NUP133: variants seen among roughly 807,000 people sequenced by gnomAD.
NUP133 encodes the protein nucleoporin 133.
A neutral mutation model predicts 146.2 loss-of-function variants in NUP133; 66 were observed. That is an observed-to-expected ratio of 0.45 (90% CI 0.37 to 0.55). NUP133 has a LOEUF of 0.55. NUP133 is among the 20% of genes least tolerant of loss of function. The probability of loss-of-function intolerance (pLI) is 0.00; values close to 1 mark genes in which losing one functional copy is unlikely to be tolerated. For synonymous variants in NUP133, 521 were observed against 498.8 expected, an observed-to-expected ratio of 1.04 and a Z score of -0.59; for missense variants, 1,277 against 1,374.8, an observed-to-expected ratio of 0.93 and a Z score of 1.12.
chr1:229,508,079 C>A lies in NUP133; in HGVS notation c.171G>T (p.Ser57=), dbSNP rs767968051. 1.3e-6 allele frequency: 2 copies of A among 1,495,552 alleles called. No homozygotes were observed. The highest frequency in any genetic ancestry group is 8.9e-7 in the Non-Finnish European group (1 of 1,120,818). 92.6% of individuals were successfully genotyped at this position (1,495,552 alleles called of 1,614,324 possible). Residue 57 remains serine (S), a synonymous_variant, in exon 1 of 26, where the codon TCG becomes TCT. Transcript: ENST00000261396. The part of the protein sequence containing the change: ...VLFSPVGRRS[S]LSSRGTPTRM... ...GGGAGATCACTTACCGCGAGCTTAG[C>A]GAGCTACGCCGGCCGACCGGCGAGA... is the stretch of plus-strand genomic sequence containing the variant.
chr1:229,463,774 AAACC>A, intron 18 of NUP133, 98 bp from the exon 19 acceptor site: 1 of 1,267,118 alleles, frequency 7.9e-7, no homozygotes, highest in Non-Finnish European at 1.1e-6. Context: ...TTCCTATTAT[AAACC>A]AACAATCATT....
chr1:229,506,989 G>C (rs1207595316), intron 1 of NUP133, among the ~76,000 whole-genome samples: 1 of 152,048 alleles, frequency 6.6e-6, no homozygotes, highest in East Asian at 1.9e-4. Context: ...CAGAATAAAA[G>C]GTAGTCTATG....
chr1:229,449,120 A>G lies in NUP133; in HGVS notation c.3245+6T>C. 6.2e-7 allele frequency: 1 copy of G among 1,607,144 alleles called. No homozygotes were observed. The highest frequency in any genetic ancestry group is 8.5e-7 in the Non-Finnish European group (1 of 1,173,764). On this transcript the variant is annotated splice_donor_region_variant and intron_variant, in intron 24 of 25. Transcript: ENST00000261396. ...TTTCCAAAGAAGCAATGCCACGAGC[A>G]CTTACTTATCTCTCTGAAGAGCTTT...
intron 12 of NUP133, among the ~76,000 whole-genome samples, chr1:229,477,971 TG>T: frequency 6.6e-6 from 1 of 152,106 alleles, no homozygotes; most frequent in Non-Finnish European, 1.5e-5. Flanking sequence ...AATAATTTAG[TG>T]TACATTTTAA....
chr1:229,479,464 G>C (rs1661156331), intron 12 of NUP133, among the ~76,000 whole-genome samples: 1 of 152,134 alleles, frequency 6.6e-6, no homozygotes, highest in African/African-American at 2.4e-5. Flanking sequence ...AGGTACTATA[G>C]GAAAAACGTA....
chr1:229,497,960 G>C (rs535346264), intron 6 of NUP133, among the ~76,000 whole-genome samples, 176 bp downstream of exon 6: 2 of 152,220 alleles, frequency 1.3e-5, no homozygotes, highest in Non-Finnish European at 2.9e-5. Flanking sequence ...CAAGTTATGG[G>C]AGAAGGTTAG....
At chr1:229,487,358 A>G (rs1443998762) in intron 10 of NUP133, 108 bp downstream of exon 10, 1 of 1,120,802 alleles carries the variant, frequency 8.9e-7, no homozygotes, top group Non-Finnish European at 1.3e-6. Flanking sequence ...AATGTCTCAG[A>G]AACATTTGAA....
chr1:229,448,219 T>C (rs1368238008), intron 24 of NUP133, among the ~76,000 whole-genome samples: 1 of 152,132 alleles, frequency 6.6e-6, no homozygotes. Flanking sequence ...ACCTGAGGTC[T>C]GGCGTTCCAC....
intron 23 of NUP133, among the ~76,000 whole-genome samples, chr1:229,449,563 G>A (rs574761914): frequency 1.3e-5 from 2 of 151,574 alleles, no homozygotes; most frequent in East Asian, 3.9e-4. Flanking sequence ...TAGAGACAGG[G>A]TTTCAGCATG....
chr1:229,473,164 AT>A (rs1055030278), intron 14 of NUP133, among the ~76,000 whole-genome samples: 10 of 152,058 alleles, frequency 6.6e-5, no homozygotes, highest in African/African-American at 2.4e-4. Flanking sequence ...TGGTGAGAAG[AT>A]TGCTTGAGCC....
intron 23 of NUP133, among the ~76,000 whole-genome samples, chr1:229,450,213 T>G (rs1311653306): frequency 6.6e-6 from 1 of 151,856 alleles, no homozygotes; most frequent in African/African-American, 2.4e-5. Flanking sequence ...ACTGATAAAG[T>G]CGTATATTAC....
At chr1:229,498,454 T>A (rs568046872) in intron 5 of NUP133, 148 bp from the exon 6 acceptor site, 17 of 573,148 alleles carry the variant, frequency 3.0e-5, no homozygotes, top group Non-Finnish European at 4.6e-5. Context: ...TAAAGTAATA[T>A]ATTTCAGAAT....
intron 6 of NUP133, 148 bp from the exon 7 acceptor site, chr1:229,496,195 C>T (rs1166741206): frequency 4.6e-6 from 3 of 649,916 alleles, no homozygotes; most frequent in African/African-American, 1.9e-5. Context: ...GATCCTGGGC[C>T]GGGTGTGGTG....
rs190094286 is a variant in NUP133, at chr1:229,453,537, G to A, written c.2981-894C>T. Among the ~76,000 whole-genome samples, 16 of 152,246 alleles carry A rather than the reference G, an allele frequency of 1.1e-4. No homozygotes were observed. In the East Asian group the frequency reaches 2.9e-3, roughly 28 times the overall value. On this transcript the variant is annotated intron_variant, in intron 21 of 25. Coordinates refer to ENST00000261396, the MANE Select transcript of NUP133 (RefSeq NM_018230.3). ...TACTGCAATAGGAAATTTACTTTTT[G>A]CTGCAATAGGCAATTTACTGGGGTG...
chr1:229,489,092 A>G (rs1661439072), intron 9 of NUP133, among the ~76,000 whole-genome samples: 1 of 152,218 alleles, frequency 6.6e-6, no homozygotes, highest in South Asian at 2.1e-4. Context: ...TTTCTATAGT[A>G]TACAAGGCTC....
chr1:229,480,277 AT>A (rs1263322901), intron 12 of NUP133, among the ~76,000 whole-genome samples: 1 of 152,228 alleles, frequency 6.6e-6, no homozygotes, highest in Non-Finnish European at 1.5e-5. Context: ...AAGGGCTGTC[AT>A]GGTCCCTTGG....
chr1:229,502,693 G>T (rs12033713), intron 2 of NUP133, among the ~76,000 whole-genome samples: 1 of 151,352 alleles, frequency 6.6e-6, no homozygotes, highest in Admixed American at 6.6e-5. Context: ...GACATATTTA[G>T]GCCAGGCACA....
intron 11 of NUP133, 126 bp downstream of exon 11, chr1:229,486,245 C>T (rs1661342361): frequency 1.2e-6 from 1 of 803,862 alleles, no homozygotes; most frequent in Non-Finnish European, 1.8e-6. Flanking sequence ...TTGCTTGAGG[C>T]CAGGAGTTTG....
intron 25 of NUP133, among the ~76,000 whole-genome samples, chr1:229,444,398 T>C (rs1045486235): frequency 4.3e-4 from 65 of 152,246 alleles, no homozygotes; most frequent in African/African-American, 1.5e-3. Context: ...CCATTCCTGT[T>C]TTTCACCTGT....
Sources: allele counts gnomAD v4.1 joint callset (sites outside exome capture counted in the v4.1 genomes callset), GRCh38; gene constraint gnomAD v4.1.1; transcripts MANE v1.5; gene names NCBI Gene and HGNC (gene_info 2026-07-23, HGNC 2026-07-21).